Variants in MTUS2 observed in about 807,000 individuals in gnomAD.
MTUS2 encodes microtubule-associated tumor suppressor candidate 2.
A neutral mutation model predicts 114.1 loss-of-function variants in MTUS2; 40 were observed. The observed-to-expected ratio is 0.35, with a 90% CI of 0.27 to 0.46. The LOEUF (loss-of-function observed/expected upper bound fraction) is 0.46, where lower values mean the gene tolerates loss of function less well. Among genes scored for constraint, MTUS2 ranks in the 20% least tolerant of loss-of-function variants. The pLI is 1.00. For missense variants in MTUS2, 1,679 were observed against 1,705.4 expected (o/e 0.98, Z 0.27); for synonymous variants, 688 against 672.0 (o/e 1.02, Z -0.37).
chr13:29,307,716 G>A lies in MTUS2; in HGVS notation c.2807-16897G>A, dbSNP rs575958632. On this transcript the variant is annotated intron_variant, in intron 6 of 15. Transcript: ENST00000612955. ...ACCACTTTTTCAAGCTCATTTCCTG[G>A]TATGACAATGAATTTGGCTACAGCA... 4.7e-5 allele frequency: 53 copies of A among 1,126,798 alleles called. No individual in the cohort carries two copies. In the East Asian group the frequency reaches 1.0e-3, roughly 22 times the overall value. 69.8% of individuals were successfully genotyped at this position (1,126,798 alleles called of 1,614,324 possible).
intron 2 of MTUS2, among the ~76,000 whole-genome samples, chr13:28,987,621 C>G (rs1203747875): frequency 6.6e-6 from 1 of 152,100 alleles, no homozygotes; most frequent in Non-Finnish European, 1.5e-5. Flanking sequence ...AGACACATGC[C>G]CTGCCTGGAG....
intron 5 of MTUS2, among the ~76,000 whole-genome samples, chr13:29,116,040 A>G (rs1490066344): frequency 3.9e-5 from 6 of 152,152 alleles, no homozygotes; most frequent in African/African-American, 1.2e-4. Flanking sequence ...TCTGTGAATA[A>G]TGTGCTGTTT....
chr13:29,110,669 A>AT (rs1259153066), intron 5 of MTUS2, among the ~76,000 whole-genome samples: 11 of 151,374 alleles, frequency 7.3e-5, no homozygotes, highest in South Asian at 2.1e-4. Context: ...AAAGGAGAAC[A>AT]TTTTTTTTTC....
intron 7 of MTUS2, among the ~76,000 whole-genome samples, chr13:29,352,950 T>C (rs1869416018): frequency 6.6e-6 from 1 of 152,238 alleles, no homozygotes; most frequent in African/African-American, 2.4e-5. Flanking sequence ...ACTTGACATG[T>C]TAAATTATTC....
intron 9 of MTUS2, among the ~76,000 whole-genome samples, chr13:29,454,839 T>C (rs1419282339): frequency 6.6e-6 from 1 of 152,240 alleles, no homozygotes; most frequent in African/African-American, 2.4e-5. Flanking sequence ...GGAATCCTAT[T>C]AGAATCACCT....
chr13:29,411,753 T>C (rs918717609), intron 8 of MTUS2, among the ~76,000 whole-genome samples: 6 of 152,244 alleles, frequency 3.9e-5, no homozygotes, highest in Admixed American at 3.9e-4. Context: ...TTGTGTCTTT[T>C]CAGACTCATT....
intron 4 of MTUS2, among the ~76,000 whole-genome samples, chr13:29,079,051 G>A (rs1889323813): frequency 2.0e-5 from 3 of 152,110 alleles, no homozygotes; most frequent in Non-Finnish European, 2.9e-5. Context: ...TATGTGGAGG[G>A]CTCCAGTTTC....
chr13:29,338,890 C>T (rs1901227217), intron 7 of MTUS2, among the ~76,000 whole-genome samples: 1 of 152,160 alleles, frequency 6.6e-6, no homozygotes, highest in Non-Finnish European at 1.5e-5. Flanking sequence ...TTGAGAGCAA[C>T]ACGGTCTCTT....
chr13:28,920,958 C>G (rs1287292007), intron 2 of MTUS2, among the ~76,000 whole-genome samples: 2 of 152,222 alleles, frequency 1.3e-5, no homozygotes, highest in African/African-American at 4.8e-5. Context: ...AGTGGGCTCC[C>G]CTCTGGCCCA....
intron 5 of MTUS2, among the ~76,000 whole-genome samples, chr13:29,111,915 G>C (rs1220106950): frequency 6.6e-6 from 1 of 152,130 alleles, no homozygotes; most frequent in Admixed American, 6.5e-5. Flanking sequence ...AAGTAAGAAA[G>C]TGCCATTCCA....
intron 2 of MTUS2, among the ~76,000 whole-genome samples, chr13:28,866,619 A>C (rs1452713002): frequency 1.3e-5 from 2 of 152,190 alleles, no homozygotes; most frequent in Non-Finnish European, 2.9e-5. Flanking sequence ...AACTCTTTTC[A>C]TGTAGTTATC....
At chr13:28,943,554 A>C (rs1882360400) in intron 2 of MTUS2, among the ~76,000 whole-genome samples, 1 of 152,188 alleles carries the variant, frequency 6.6e-6, no homozygotes, top group Non-Finnish European at 1.5e-5. Context: ...CTGTTTCTGG[A>C]CATTGTTGGG....
At chr13:28,905,636 T>C (rs1209530441) in intron 2 of MTUS2, among the ~76,000 whole-genome samples, 1 of 151,730 alleles carries the variant, frequency 6.6e-6, no homozygotes, top group East Asian at 1.9e-4. Flanking sequence ...CTTTTTGATG[T>C]GCTGCTGGAT....
chr13:29,185,831 C>A (rs1430484461), intron 5 of MTUS2, among the ~76,000 whole-genome samples: 1 of 151,962 alleles, frequency 6.6e-6, no homozygotes, highest in African/African-American at 2.4e-5. Flanking sequence ...ATATCTAACA[C>A]AAAGCAGTTT....
intron 8 of MTUS2, among the ~76,000 whole-genome samples, chr13:29,360,942 G>A (rs1870189716): frequency 6.6e-6 from 1 of 152,114 alleles, no homozygotes; most frequent in South Asian, 2.1e-4. Context: ...ACAAGCCCTT[G>A]ATAAAGGTTT....
intron 8 of MTUS2, among the ~76,000 whole-genome samples, chr13:29,366,257 C>T (rs1242844399): frequency 6.6e-6 from 1 of 152,164 alleles, no homozygotes; most frequent in Non-Finnish European, 1.5e-5. Flanking sequence ...GCACATCTCA[C>T]ATGGCGGCAG....
intron 2 of MTUS2, among the ~76,000 whole-genome samples, chr13:28,872,138 G>A (rs576435712): frequency 6.6e-6 from 1 of 152,176 alleles, no homozygotes; most frequent in Non-Finnish European, 1.5e-5. Context: ...GAGCCCAGCT[G>A]GGAGGCTCCT....
chr13:28,963,374 A>C (rs1883424392), intron 2 of MTUS2, among the ~76,000 whole-genome samples: 2 of 152,154 alleles, frequency 1.3e-5, no homozygotes, highest in African/African-American at 4.8e-5. Flanking sequence ...AAAACAAAAC[A>C]AAAAAAGAAA....
chr13:29,023,930 C>A (rs533098455), intron 2 of MTUS2, among the ~76,000 whole-genome samples: 1 of 152,222 alleles, frequency 6.6e-6, no homozygotes, highest in South Asian at 2.1e-4. Context: ...GTGGTGTCTA[C>A]CAGATCTCTC....
Sources: allele counts gnomAD v4.1 joint callset (sites outside exome capture counted in the v4.1 genomes callset), GRCh38; gene constraint gnomAD v4.1.1; transcripts MANE v1.5; gene names NCBI Gene and HGNC (gene_info 2026-07-23, HGNC 2026-07-21).